EDIL3: variants seen among roughly 807,000 people sequenced by gnomAD.
EDIL3 encodes the protein EGF-like repeat and discoidin I-like domain-containing protein 3.
EDIL3 carries 37 observed loss-of-function variants against 67.4 expected under a neutral mutation model. The observed-to-expected ratio is 0.55, with a 90% confidence interval of 0.42 to 0.72. The LOEUF (loss-of-function observed/expected upper bound fraction) is 0.72. Ranked by LOEUF, EDIL3 falls within the 30% of genes least tolerant of loss-of-function variation. EDIL3 has a pLI of 0.00. For missense variants in EDIL3, 527 were observed against 586.3 expected, an observed-to-expected ratio of 0.90 and a Z score of 1.04; for synonymous variants, 195 against 196.3, an observed-to-expected ratio of 0.99 and a Z score of 0.05.
At chr5:84,379,636 CTG>C (rs1391275528) in intron 1 of EDIL3, among the ~76,000 whole-genome samples, 1 of 152,084 alleles carries the variant, frequency 6.6e-6, no homozygotes, top group African/African-American at 2.4e-5. Context: ...TCATAGCTCT[CTG>C]TGTTTTTCCT....
chr5:83,962,115 C>A (rs1002956514), intron 10 of EDIL3, among the ~76,000 whole-genome samples: 2 of 151,308 alleles, frequency 1.3e-5, no homozygotes, highest in Non-Finnish European at 3.0e-5. Context: ...GCCATTACAG[C>A]CCTAGTGTTT....
At chr5:84,109,566 A>C (rs1747523036) in intron 5 of EDIL3, among the ~76,000 whole-genome samples, 1 of 152,124 alleles carries the variant, frequency 6.6e-6, no homozygotes, top group African/African-American at 2.4e-5. Flanking sequence ...AATAATATAT[A>C]TTGACATGAT....
At chr5:84,194,887 A>G (rs1284064210) in intron 3 of EDIL3, among the ~76,000 whole-genome samples, 1 of 151,928 alleles carries the variant, frequency 6.6e-6, no homozygotes, top group Admixed American at 6.6e-5. Flanking sequence ...GTTATTAGAC[A>G]TTTTAGATCC....
chr5:84,146,729 A>G (rs948398848), intron 4 of EDIL3, among the ~76,000 whole-genome samples: 14 of 152,086 alleles, frequency 9.2e-5, no homozygotes, highest in Non-Finnish European at 1.9e-4. Context: ...TCTTTTATAC[A>G]TATCTTTTAA....
chr5:84,368,269 C>T (rs1747779990), intron 1 of EDIL3, among the ~76,000 whole-genome samples: 1 of 152,076 alleles, frequency 6.6e-6, no homozygotes, highest in African/African-American at 2.4e-5. Flanking sequence ...CGAAGAGAGA[C>T]ATAGAAACAA....
chr5:83,970,671 ATATATATATATATT>A (rs1275272557), intron 9 of EDIL3, among the ~76,000 whole-genome samples: 1 of 138,758 alleles, frequency 7.2e-6, no homozygotes, highest in Non-Finnish European at 1.5e-5. Flanking sequence ...ATATATATAT[ATATATATATATATT>A]TAAGAACATA....
At chr5:84,377,298 A>C (rs1162500526) in intron 1 of EDIL3, among the ~76,000 whole-genome samples, 2 of 141,834 alleles carry the variant, frequency 1.4e-5, no homozygotes, top group Admixed American at 7.5e-5. Context: ...GGGTAGCGAG[A>C]CTCCGTCTCA....
intron 9 of EDIL3, among the ~76,000 whole-genome samples, chr5:84,011,653 A>G (rs1235192424): frequency 6.6e-6 from 1 of 152,170 alleles, no homozygotes; most frequent in Non-Finnish European, 1.5e-5. Context: ...AATGTCATCT[A>G]CAGCATCTCT....
chr5:84,008,666 C>A (rs1745467248), intron 9 of EDIL3, among the ~76,000 whole-genome samples: 2 of 152,002 alleles, frequency 1.3e-5, no homozygotes, highest in Admixed American at 1.3e-4. Flanking sequence ...GCTGATGTGA[C>A]CTTGCTAAAA....
chr5:84,292,964 T>C (rs1352218982), intron 1 of EDIL3, among the ~76,000 whole-genome samples: 2 of 152,148 alleles, frequency 1.3e-5, no homozygotes, highest in Middle Eastern at 3.2e-3. Flanking sequence ...GGGGTTACAA[T>C]CTTCCCAGAC....
chr5:84,228,977 G>T (rs1744505223), intron 3 of EDIL3, among the ~76,000 whole-genome samples: 2 of 152,052 alleles, frequency 1.3e-5, no homozygotes, highest in South Asian at 4.1e-4. Context: ...CCTTTTCTCA[G>T]TTACTAAAAA....
chr5:84,254,501 T>C (rs1322986943), intron 1 of EDIL3, among the ~76,000 whole-genome samples: 4 of 152,238 alleles, frequency 2.6e-5, no homozygotes, highest in African/African-American at 7.2e-5. Flanking sequence ...AATTGGTTAA[T>C]AAATATTAAC....
At chr5:84,091,038 C>T (rs1383756000) in intron 6 of EDIL3, among the ~76,000 whole-genome samples, 1 of 151,976 alleles carries the variant, frequency 6.6e-6, no homozygotes, top group African/African-American at 2.4e-5. Flanking sequence ...CAAGACTGCC[C>T]CACAGTCACT....
chr5:84,165,565 G>A (rs1748690373), intron 4 of EDIL3, among the ~76,000 whole-genome samples: 1 of 152,038 alleles, frequency 6.6e-6, no homozygotes, highest in South Asian at 2.1e-4. Context: ...TACACAACTG[G>A]GAAATAGTAG....
chr5:84,292,819 C>T (rs866715209), intron 1 of EDIL3, among the ~76,000 whole-genome samples: 1 of 152,028 alleles, frequency 6.6e-6, no homozygotes, highest in African/African-American at 2.4e-5. Context: ...AAAAGAACAG[C>T]GAAAGTGAGA....
intron 9 of EDIL3, among the ~76,000 whole-genome samples, chr5:84,043,101 A>G (rs914559962): frequency 2.0e-5 from 3 of 152,232 alleles, no homozygotes; most frequent in African/African-American, 4.8e-5. Context: ...AGTTTTAAAG[A>G]AAGTTAAATG....
At chr5:84,020,496 G>C (rs1047035474) in intron 9 of EDIL3, among the ~76,000 whole-genome samples, 1 of 151,918 alleles carries the variant, frequency 6.6e-6, no homozygotes, top group Non-Finnish European at 1.5e-5. Context: ...CACCTTTATT[G>C]ACTACTTAAT....
chr5:83,971,522 C>A (rs1167989543), intron 9 of EDIL3, among the ~76,000 whole-genome samples: 1 of 151,860 alleles, frequency 6.6e-6, no homozygotes, highest in Non-Finnish European at 1.5e-5. Flanking sequence ...CCACCCTTAG[C>A]CTCCAAAAAT....
At chr5:83,979,247 C>A (rs1028085311) in intron 9 of EDIL3, among the ~76,000 whole-genome samples, 1 of 152,056 alleles carries the variant, frequency 6.6e-6, no homozygotes, top group Non-Finnish European at 1.5e-5. Flanking sequence ...CTTAAAAGTT[C>A]AACAATACTA....
Sources: allele counts gnomAD v4.1 joint callset (sites outside exome capture counted in the v4.1 genomes callset), GRCh38; gene constraint gnomAD v4.1.1; transcripts MANE v1.5; gene names NCBI Gene and HGNC (gene_info 2026-07-23, HGNC 2026-07-21).